Variants in SEMA6D observed in about 807,000 individuals in gnomAD.
SEMA6D encodes the protein semaphorin-6D.
Under a neutral mutation model 106.6 loss-of-function variants are expected in SEMA6D, and 35 were observed. That is an observed-to-expected ratio of 0.33 (90% CI 0.25 to 0.44). The LOEUF is 0.44. SEMA6D is among the 20% of genes least tolerant of loss of function. The pLI, the probability that SEMA6D is intolerant of heterozygous loss-of-function variation, is 1.00. For synonymous variants in SEMA6D, 499 were observed against 487.7 expected, an observed-to-expected ratio of 1.02 and a Z score of -0.31; for missense variants, 1,185 against 1,345.9, an observed-to-expected ratio of 0.88 and a Z score of 1.87.
At chr15:47,371,824 G>A (rs557138000) in intron 1 of SEMA6D, among the ~76,000 whole-genome samples, 73 of 152,282 alleles carry the variant, frequency 4.8e-4, no homozygotes, top group African/African-American at 1.2e-3. Flanking sequence ...TTTATTGAGT[G>A]CTTAGTTGCT....
At chr15:47,449,519 C>A (rs2042125404) in intron 2 of SEMA6D, among the ~76,000 whole-genome samples, 1 of 152,088 alleles carries the variant, frequency 6.6e-6, no homozygotes, top group South Asian at 2.1e-4. Flanking sequence ...TGCCTTGAAC[C>A]TGGATGACCC....
chr15:47,342,936 C>T (rs933243261), intron 1 of SEMA6D, among the ~76,000 whole-genome samples: 1 of 152,158 alleles, frequency 6.6e-6, no homozygotes, highest in Non-Finnish European at 1.5e-5. Context: ...TGATCTCCGA[C>T]TCCTCACCTC....
intron 1 of SEMA6D, among the ~76,000 whole-genome samples, chr15:47,374,542 A>G (rs892926302): frequency 1.3e-5 from 2 of 151,992 alleles, no homozygotes; most frequent in African/African-American, 4.8e-5. Flanking sequence ...AGAGCTCTCT[A>G]TTTCCTCCTG....
At chr15:47,573,777 C>G (rs1435759) in intron 3 of SEMA6D, among the ~76,000 whole-genome samples, 151,644 of 152,348 alleles carry the variant, frequency 1, 75,475 homozygotes, top group Non-Finnish European at 1. Flanking sequence ...ACAGGAATCA[C>G]CCCTGCCTCT....
chr15:47,521,680 AACAAACATATC>A (rs1220940257), intron 3 of SEMA6D, among the ~76,000 whole-genome samples: 1 of 152,216 alleles, frequency 6.6e-6, no homozygotes, highest in Non-Finnish European at 1.5e-5. Context: ...TAAACTAGGA[AACAAACATATC>A]ATAAAGATTC....
intron 3 of SEMA6D, among the ~76,000 whole-genome samples, chr15:47,497,009 T>G (rs2043687075): frequency 6.6e-6 from 1 of 152,048 alleles, no homozygotes; most frequent in South Asian, 2.1e-4. Context: ...TTTTAAATAC[T>G]CCATTGTCTC....
chr15:47,733,920 A>G (rs865922482), intron 1 of SEMA6D, among the ~76,000 whole-genome samples: 2 of 152,328 alleles, frequency 1.3e-5, no homozygotes, highest in Middle Eastern at 6.8e-3. Context: ...GGCTACTTCT[A>G]AAAGCATAAA....
chr15:47,499,094 G>A (rs2043761999), intron 3 of SEMA6D, among the ~76,000 whole-genome samples: 1 of 152,222 alleles, frequency 6.6e-6, no homozygotes, highest in Admixed American at 6.5e-5. Context: ...TTTTAATTTA[G>A]CCCTTAAATG....
chr15:47,627,785 A>C (rs1470363934), intron 4 of SEMA6D, among the ~76,000 whole-genome samples: 2 of 152,080 alleles, frequency 1.3e-5, no homozygotes, highest in Non-Finnish European at 2.9e-5. Context: ...TCAAGATAAG[A>C]GTATAGCTCC....
At chr15:47,634,827 G>T (rs538655294) in intron 4 of SEMA6D, among the ~76,000 whole-genome samples, 2 of 152,054 alleles carry the variant, frequency 1.3e-5, no homozygotes, top group East Asian at 1.9e-4. Flanking sequence ...GGTGGGGGCG[G>T]GGTGGAAGTT....
intron 3 of SEMA6D, among the ~76,000 whole-genome samples, chr15:47,476,553 A>G (rs1410541029): frequency 6.6e-6 from 1 of 152,074 alleles, no homozygotes; most frequent in African/African-American, 2.4e-5. Flanking sequence ...TATTTCTTTC[A>G]CTTATCCATG....
At chr15:47,227,419 C>CTTTCTT (rs1555407167) in intron 1 of SEMA6D, among the ~76,000 whole-genome samples, 6 of 115,332 alleles carry the variant, frequency 5.2e-5, no homozygotes, top group African/African-American at 1.9e-4. Context: ...TTCTTTCTTT[C>CTTTCTT]TCTTTCTTTC....
intron 18 of SEMA6D, among the ~76,000 whole-genome samples, chr15:47,769,774 C>G (rs1380623246): frequency 6.6e-6 from 1 of 151,918 alleles, no homozygotes; most frequent in Non-Finnish European, 1.5e-5. Context: ...AACTAATTTG[C>G]TCTTCTTTTT....
chr15:47,517,178 C>T (rs1220592269), intron 3 of SEMA6D, among the ~76,000 whole-genome samples: 7 of 152,092 alleles, frequency 4.6e-5, no homozygotes, highest in African/African-American at 7.2e-5. Flanking sequence ...AAATACTTCC[C>T]TGAGAGGCAG....
At chr15:47,604,397 A>G (rs1426013954) in intron 4 of SEMA6D, among the ~76,000 whole-genome samples, 1 of 152,210 alleles carries the variant, frequency 6.6e-6, no homozygotes, top group African/African-American at 2.4e-5. Context: ...GAAAGTCTTA[A>G]GCTATTTCAT....
At chr15:47,309,037 T>C (rs963062979) in intron 1 of SEMA6D, among the ~76,000 whole-genome samples, 1 of 152,178 alleles carries the variant, frequency 6.6e-6, no homozygotes, top group Admixed American at 6.5e-5. Context: ...CATTTATTTT[T>C]AGAGATGTGC....
At chr15:47,600,711 T>C (rs929330709) in intron 3 of SEMA6D, among the ~76,000 whole-genome samples, 4 of 152,184 alleles carry the variant, frequency 2.6e-5, no homozygotes, top group Non-Finnish European at 5.9e-5. Flanking sequence ...TAAGCCATTA[T>C]TACTTTAAGC....
At chr15:47,558,790 A>G (rs1197761935) in intron 3 of SEMA6D, among the ~76,000 whole-genome samples, 1 of 152,126 alleles carries the variant, frequency 6.6e-6, no homozygotes. Flanking sequence ...ATAATAGTGC[A>G]TAAACAGAAT....
chr15:47,461,603 A>G (rs963450990), intron 2 of SEMA6D, among the ~76,000 whole-genome samples: 1 of 152,050 alleles, frequency 6.6e-6, no homozygotes, highest in African/African-American at 2.4e-5. Context: ...GCCCATAGCA[A>G]TTTTTTAAAT....
Sources: gnomAD v4.1 joint callset for allele counts (sites outside exome capture counted in the v4.1 genomes callset) on GRCh38, gnomAD v4.1.1 for gene constraint, MANE v1.5 for transcripts, NCBI Gene and HGNC (gene_info 2026-07-23, HGNC 2026-07-21) for gene names.